The following TMEM213 variants were observed in gnomAD, a reference collection of about 807,000 sequenced individuals.
TMEM213 encodes the protein transmembrane protein 213.
In TMEM213, 7 loss-of-function variants were observed where a neutral mutation model predicts 11.6. The ratio of observed to expected loss-of-function variants is 0.60; its 90% confidence interval spans 0.34 to 1.13. The LOEUF is 1.13. TMEM213 is among the 50% of genes most tolerant of loss of function. The pLI is 0.03. For synonymous variants in TMEM213, 60 were observed against 58.3 expected (o/e 1.03, Z -0.13); for missense variants, 129 against 139.0 (o/e 0.93, Z 0.36).
chr7:138,798,234 A>T lies in TMEM213; in HGVS notation c.82+48A>T, dbSNP rs375683989. The stretch of plus-strand genomic sequence containing the variant: ...TGGCCAGGCTGGGAAGGGGGAGGGA[A>T]GGAGGGAAGAGAGGTGGGAGGGAAA... On this transcript the variant is annotated intron_variant, in intron 1 of 2. Coordinates refer to ENST00000442682, the MANE Select transcript of TMEM213 (RefSeq NM_001085429.2). The T allele has an allele frequency of 2.5e-4, 384 of 1,513,540 alleles. 1 individual carries two copies. Among genetic ancestry groups the T allele is most frequent in the Non-Finnish European group, 3.2e-4 (361 of 1,113,258 alleles). 93.8% of individuals were successfully genotyped at this position (1,513,540 alleles called of 1,614,324 possible). A position where few individuals can be genotyped will look rare whatever the true frequency, so the allele number is the denominator to read the frequency against.
intron 2 of TMEM213, 142 bp downstream of exon 2, chr7:138,801,540 C>T: frequency 1.3e-6 from 1 of 770,238 alleles, no homozygotes; most frequent in Non-Finnish European, 2.1e-6. Flanking sequence ...GTGGTTTGTC[C>T]CAGAACTATT....
At chr7:138,800,314 T>C (rs1808892223) in intron 1 of TMEM213, among the ~76,000 whole-genome samples, 2 of 152,182 alleles carry the variant, frequency 1.3e-5, no homozygotes, top group Admixed American at 1.3e-4. Flanking sequence ...TATTGAACAG[T>C]ATGGACTTAG....
intron 1 of TMEM213, among the ~76,000 whole-genome samples, chr7:138,798,803 C>A (rs1347104271): frequency 6.6e-6 from 1 of 152,134 alleles, no homozygotes; most frequent in Non-Finnish European, 1.5e-5. Context: ...CCTTGCCCTG[C>A]CAGGCCGGGT....
rs1424457642 is a variant in TMEM213 at position 138,805,126 on chromosome 7, T to C, written c.*2057T>C. ...CAGCAGATAATTTCTGAATCTCAGA[T>C]GTTGAATCAGTGCAACGGGATGGAT... On this transcript the variant is annotated 3_prime_UTR_variant, in exon 3 of 3. Transcript: ENST00000442682. 1 of 152,026 alleles carries C rather than the reference T, an allele frequency of 6.6e-6. No homozygotes were observed. The highest frequency in any genetic ancestry group is 2.4e-5 in the African/African-American group (1 of 41,382). The allele number at this position is 152,026 out of a possible 1,614,324, so 9.4% of individuals were successfully genotyped here.
chr7:138,803,892 A>C lies in TMEM213; in HGVS notation c.*823A>C, dbSNP rs2130270495. ...AGGATCACTTTAGCCCAGGAATTCG[A>C]GACCAGCCTGGGCAAGATGGCAAGA... On this transcript the variant is annotated 3_prime_UTR_variant, in exon 3 of 3. Coordinates refer to ENST00000442682, the MANE Select transcript of TMEM213 (RefSeq NM_001085429.2). 1 of 152,264 alleles carries C rather than the reference A, an allele frequency of 6.6e-6. No individual in the cohort carries two copies. Among genetic ancestry groups the C allele is most frequent in the East Asian group, 1.9e-4 (1 of 5,186 alleles). 9.4% of individuals were successfully genotyped at this position (152,264 alleles called of 1,614,324 possible).
intron 2 of TMEM213, among the ~76,000 whole-genome samples, chr7:138,802,258 A>G (rs1174737761): frequency 6.6e-6 from 1 of 151,974 alleles, no homozygotes; most frequent in East Asian, 1.9e-4. Flanking sequence ...GGCACTTAAA[A>G]CGAAGGATAG....
chr7:138,805,991 G>C lies in TMEM213; in HGVS notation c.*2922G>C, dbSNP rs1479395913. 1 of 152,062 alleles carries C rather than the reference G, an allele frequency of 6.6e-6. No individual in the cohort carries two copies. Among genetic ancestry groups the C allele is most frequent in the East Asian group, 1.9e-4 (1 of 5,186 alleles). The allele number at this position is 152,062 out of a possible 1,614,324, so 9.4% of individuals were successfully genotyped here. On this transcript the variant is annotated 3_prime_UTR_variant, in exon 3 of 3. Coordinates refer to ENST00000442682, the MANE Select transcript of TMEM213 (RefSeq NM_001085429.2). ...CTTTGAACTGAAGTATGTGCAGTCTGCCATCTCACATTAAAATGTAGGCAT... is the reference window on the plus strand; with the variant it reads ...CTTTGAACTGAAGTATGTGCAGTCTCCCATCTCACATTAAAATGTAGGCAT...
chr7:138,802,896 C>T lies in TMEM213; in HGVS notation c.155-4C>T. Reference sequence around the variant, plus strand: ...CGTCGTCCTTGCTGTCCCTTCCCCACCAGACGTGGACTTCTGCCCACAAGC... The same window carrying T: ...CGTCGTCCTTGCTGTCCCTTCCCCATCAGACGTGGACTTCTGCCCACAAGC... On this transcript the variant is annotated splice_region_variant and splice_polypyrimidine_tract_variant and intron_variant, in intron 2 of 2. Coordinates refer to ENST00000442682, the MANE Select transcript of TMEM213 (RefSeq NM_001085429.2). 2 of 1,557,438 alleles carry T rather than the reference C, an allele frequency of 1.3e-6. No individual in the cohort carries two copies. The highest frequency in any genetic ancestry group is 1.7e-6 in the Non-Finnish European group (2 of 1,156,370).
At position 138,801,570 on chromosome 7, in the gene TMEM213, G is replaced by T. The variant is rs1389144309; in HGVS notation, c.154+172G>T. On this transcript the variant is annotated intron_variant, in intron 2 of 2. Coordinates refer to ENST00000442682, the MANE Select transcript of TMEM213 (RefSeq NM_001085429.2). ...ACTATTTGCAGAGCAGGTCTGAAAG[G>T]CTTTCTTGGCTCTGATCCCCATCTA... 6.4e-6 allele frequency: 4 copies of T among 627,816 alleles called. No individual in the cohort carries two copies. In the African/African-American group the frequency reaches 7.3e-5, roughly 12 times the overall value. The allele number at this position is 627,816 out of a possible 1,614,324, so 38.9% of individuals were successfully genotyped here.
chr7:138,805,946 C>A lies in TMEM213; in HGVS notation c.*2877C>A, dbSNP rs2305342. 6.6e-6 allele frequency: 1 copy of A among 151,498 alleles called. No homozygotes were observed. Among genetic ancestry groups the A allele is most frequent in the East Asian group, 1.9e-4 (1 of 5,134 alleles). 9.4% of individuals were successfully genotyped at this position (151,498 alleles called of 1,614,324 possible). On this transcript the variant is annotated 3_prime_UTR_variant, in exon 3 of 3. Coordinates refer to ENST00000442682, the MANE Select transcript of TMEM213 (RefSeq NM_001085429.2). ...CTGAGATGCCCTCCAGTCTGGGGAA[C>A]CCCGTAGATGCTTAGACTACTTTGA...
Position 138,801,331 on chromosome 7 carries a change from AAGC to A in TMEM213, c.95_97del (p.Ser32del), listed in dbSNP as rs761034418. On this transcript the variant is annotated inframe_deletion, in exon 2 of 3. Coordinates refer to ENST00000442682, the MANE Select transcript of TMEM213 (RefSeq NM_001085429.2). Reference sequence around the variant, plus strand: ...ATCTCCTATCTTTTCTTCCAGAAGCAAGCAGCAGCAACAGCTCAAGCTTGACCG... The same window carrying A: ...ATCTCCTATCTTTTCTTCCAGAAGCAAGCAGCAACAGCTCAAGCTTGACCG... The A allele has an allele frequency of 1.5e-5, 24 of 1,611,804 alleles. No homozygotes were observed. The African/African-American group carries it at 2.3e-4, about 15-fold the overall frequency.
intron 2 of TMEM213, 117 bp from the exon 3 acceptor site, chr7:138,802,783 G>T (rs1305820877): frequency 1.3e-5 from 14 of 1,085,506 alleles, no homozygotes; most frequent in Non-Finnish European, 1.3e-5. Context: ...ATGGCACGTA[G>T]TAGGCCTCAT....
Position 138,805,520 on chromosome 7 carries a change from C to T in TMEM213, c.*2451C>T, listed in dbSNP as rs902788100. ...TTCCACAATATGTGACGGTTTATTT[C>T]CCAAGAGATGAAAAGATTCATTAAG... On this transcript the variant is annotated 3_prime_UTR_variant, in exon 3 of 3. Transcript: ENST00000442682. 6.6e-6 allele frequency: 1 copy of T among 151,958 alleles called. No homozygotes were observed. Among genetic ancestry groups the T allele is most frequent in the Non-Finnish European group, 1.5e-5 (1 of 68,032 alleles). 9.4% of individuals were successfully genotyped at this position (151,958 alleles called of 1,614,324 possible).
At chr7:138,800,128 C>A (rs1261366023) in intron 1 of TMEM213, among the ~76,000 whole-genome samples, 1 of 152,118 alleles carries the variant, frequency 6.6e-6, no homozygotes, top group East Asian at 1.9e-4. Context: ...AATAATAGAA[C>A]TTGCACTGAG....
chr7:138,801,688 G>A, intron 2 of TMEM213: 1 of 409,124 alleles, frequency 2.4e-6, no homozygotes, highest in African/African-American at 2.0e-5. Flanking sequence ...GAAGTTTGGA[G>A]GTGGAAAGGC....
At chr7:138,801,491 A>T in intron 2 of TMEM213, 93 bp downstream of exon 2, 1 of 1,250,910 alleles carries the variant, frequency 8.0e-7, no homozygotes, top group South Asian at 1.3e-5. Flanking sequence ...GATTGGTGTC[A>T]AGTGGGCAAG....
At chr7:138,798,340 A>T in intron 1 of TMEM213, 154 bp downstream of exon 1, 2 of 127,756 alleles carry the variant, frequency 1.6e-5, no homozygotes, top group Non-Finnish European at 1.4e-5. Context: ...CATCTGAAGG[A>T]TTAGGCAGGG....
rs369402164 is a variant in TMEM213 at position 138,798,194 on chromosome 7, T to C, written c.82+8T>C. 4 of 1,583,056 alleles carry C rather than the reference T, an allele frequency of 2.5e-6. No individual in the cohort carries two copies. The highest frequency in any genetic ancestry group is 1.3e-5 in the African/African-American group (1 of 74,308). ...ACTCGGCTTGCTCGGCAGGTAGCGT[T>C]ATGAGCTTTATTCATGGCCAGGCTG... On this transcript the variant is annotated splice_region_variant and intron_variant, in intron 1 of 2. Transcript: ENST00000442682.
chr7:138,803,902 G>A lies in TMEM213; in HGVS notation c.*833G>A, dbSNP rs1809028924. ...TAGCCCAGGAATTCGAGACCAGCCT[G>A]GGCAAGATGGCAAGACCTTGTTTCT... On this transcript the variant is annotated 3_prime_UTR_variant, in exon 3 of 3. Transcript: ENST00000442682. 1 of 152,100 alleles carries A rather than the reference G, an allele frequency of 6.6e-6. No individual in the cohort carries two copies. The highest frequency in any genetic ancestry group is 2.4e-5 in the African/African-American group (1 of 41,370). 9.4% of individuals were successfully genotyped at this position (152,100 alleles called of 1,614,324 possible). A position where few individuals can be genotyped will look rare whatever the true frequency, so the allele number is the denominator to read the frequency against.
Sources: allele counts gnomAD v4.1 joint callset (sites outside exome capture counted in the v4.1 genomes callset), GRCh38; gene constraint gnomAD v4.1.1; transcripts MANE v1.5; gene names NCBI Gene and HGNC (gene_info 2026-07-23, HGNC 2026-07-21).